CNTN5: variants seen among roughly 807,000 people sequenced by gnomAD.
The protein encoded by CNTN5 is contactin-5.
Under a neutral mutation model 129.1 loss-of-function variants are expected in CNTN5, and 77 were observed. The observed-to-expected ratio is 0.60, with a 90% CI of 0.50 to 0.72. The LOEUF is 0.72. CNTN5 is among the 30% of genes least tolerant of loss of function. The probability of loss-of-function intolerance (pLI) is 0.00; values close to 1 mark genes in which losing one functional copy is unlikely to be tolerated. For missense variants in CNTN5, 1,478 were observed against 1,328.8 expected (o/e 1.11, Z -1.75); for synonymous variants, 509 against 465.6 (o/e 1.09, Z -1.20).
At chr11:99,559,987 A>T (rs940624638) in intron 3 of CNTN5, among the ~76,000 whole-genome samples, 2 of 152,286 alleles carry the variant, frequency 1.3e-5, no homozygotes, top group Admixed American at 1.3e-4. Flanking sequence ...TCTTTATATA[A>T]CAACTGGAAA....
intron 1 of CNTN5, among the ~76,000 whole-genome samples, chr11:99,247,042 A>T (rs950015856): frequency 1.2e-4 from 18 of 152,190 alleles, no homozygotes; most frequent in Non-Finnish European, 2.2e-4. Context: ...TCAGAAAGTC[A>T]AAATGACATA....
At chr11:99,446,178 C>T (rs910269736) in intron 2 of CNTN5, among the ~76,000 whole-genome samples, 1 of 150,236 alleles carries the variant, frequency 6.7e-6, no homozygotes, top group Non-Finnish European at 1.5e-5. Flanking sequence ...ATCTTAGTTT[C>T]CCTCTGCCTC....
intron 16 of CNTN5, among the ~76,000 whole-genome samples, chr11:100,252,619 A>T (rs1331660469): frequency 6.6e-6 from 1 of 152,074 alleles, no homozygotes; most frequent in East Asian, 1.9e-4. Context: ...GTCTAGTTTC[A>T]TTCATCTGCA....
intron 3 of CNTN5, among the ~76,000 whole-genome samples, chr11:99,627,054 G>C (rs1318480826): frequency 6.6e-6 from 1 of 152,068 alleles, no homozygotes; most frequent in Non-Finnish European, 1.5e-5. Context: ...TTCAAGGCTT[G>C]GAAGGGAGAA....
rs116589702 is a variant in CNTN5 at position 99,870,303 on chromosome 11, A to G, written c.577+25041A>G. Among the ~76,000 whole-genome samples, 596 of 152,176 alleles carry G rather than the reference A, an allele frequency of 3.9e-3. 8 individuals carry two copies. The highest frequency in any genetic ancestry group is 0.013 in the African/African-American group (524 of 41,538). On this transcript the variant is annotated intron_variant, in intron 6 of 24. Coordinates refer to ENST00000524871, the MANE Select transcript of CNTN5 (RefSeq NM_014361.4). ...AGTAATTTTGTCCAAGGAAAAAACA[A>G]TGGTTTCCAAACAGCCACTGTCACT...
intron 23 of CNTN5, among the ~76,000 whole-genome samples, chr11:100,343,717 C>A (rs182044949): frequency 6.6e-6 from 1 of 152,226 alleles, no homozygotes; most frequent in Admixed American, 6.5e-5. Flanking sequence ...CCCCACACAG[C>A]AGTGAAAGAA....
At chr11:99,561,377 TAGATA>T (rs1948837599) in intron 3 of CNTN5, among the ~76,000 whole-genome samples, 1 of 152,176 alleles carries the variant, frequency 6.6e-6, no homozygotes, top group African/African-American at 2.4e-5. Flanking sequence ...CATATTGATA[TAGATA>T]AAAGATTAAA....
intron 1 of CNTN5, among the ~76,000 whole-genome samples, chr11:99,304,851 A>G (rs1864802318): frequency 6.6e-6 from 1 of 152,196 alleles, no homozygotes; most frequent in African/African-American, 2.4e-5. Flanking sequence ...TGAGAAATCA[A>G]TTTTGACTCC....
At chr11:99,464,134 C>T (rs1944843253) in intron 2 of CNTN5, among the ~76,000 whole-genome samples, 1 of 152,308 alleles carries the variant, frequency 6.6e-6, no homozygotes, top group Non-Finnish European at 1.5e-5. Context: ...TGTGGCTTAT[C>T]CAGCATAAGT....
chr11:99,677,441 A>G (rs548460487), intron 3 of CNTN5, among the ~76,000 whole-genome samples: 26 of 152,238 alleles, frequency 1.7e-4, no homozygotes, highest in African/African-American at 6.3e-4. Context: ...GAGGATGTTG[A>G]TTTCTGAACC....
At chr11:100,195,123 T>A (rs889916445) in intron 15 of CNTN5, among the ~76,000 whole-genome samples, 6 of 152,026 alleles carry the variant, frequency 3.9e-5, no homozygotes, top group African/African-American at 1.4e-4. Flanking sequence ...TTTTATAACA[T>A]GGATGTTGTA....
At chr11:100,165,634 G>T (rs768332416) in intron 13 of CNTN5, among the ~76,000 whole-genome samples, 1 of 151,668 alleles carries the variant, frequency 6.6e-6, no homozygotes, top group Non-Finnish European at 1.5e-5. Flanking sequence ...TTTAAACATA[G>T]AAGTTGAATC....
chr11:99,036,999 C>A (rs888618423), intron 1 of CNTN5, among the ~76,000 whole-genome samples: 1 of 152,012 alleles, frequency 6.6e-6, no homozygotes, highest in Non-Finnish European at 1.5e-5. Context: ...AAATAAAATG[C>A]ATATCTGTGA....
At chr11:99,352,664 C>T (rs1487984166) in intron 2 of CNTN5, among the ~76,000 whole-genome samples, 2 of 152,062 alleles carry the variant, frequency 1.3e-5, no homozygotes, top group Admixed American at 6.5e-5. Context: ...ATTCAGTTAG[C>T]TCACAGAACT....
intron 3 of CNTN5, among the ~76,000 whole-genome samples, chr11:99,672,360 A>T (rs1953082892): frequency 6.6e-6 from 1 of 151,756 alleles, no homozygotes; most frequent in Non-Finnish European, 1.5e-5. Context: ...GATCTAGATG[A>T]TTGTCTTGCA....
intron 1 of CNTN5, among the ~76,000 whole-genome samples, chr11:99,024,055 T>C (rs982895963): frequency 6.6e-6 from 1 of 152,180 alleles, no homozygotes; most frequent in African/African-American, 2.4e-5. Context: ...GTAGAATCAC[T>C]GCAGAGGTCT....
chr11:99,804,311 A>G (rs1271210893), intron 3 of CNTN5, among the ~76,000 whole-genome samples: 1 of 152,136 alleles, frequency 6.6e-6, no homozygotes, highest in Non-Finnish European at 1.5e-5. Flanking sequence ...CTAGATTACT[A>G]CTTACAGAGA....
chr11:100,203,799 TACACACACACACACACAC>T (rs59141425), intron 15 of CNTN5, among the ~76,000 whole-genome samples: 2 of 139,100 alleles, frequency 1.4e-5, no homozygotes, highest in East Asian at 2.3e-4. Flanking sequence ...AATGTGCACG[TACACACACACACACACAC>T]ACACACACAC....
Position 99,176,254 on chromosome 11 carries a change from G to A in CNTN5, c.-209-149092G>A, listed in dbSNP as rs553595095. Reference sequence around the variant, plus strand: ...CCTTTAGATGGCTCTGTCCCAGACCGAGAGGTTAAGAGACATTGAAGACTT... The same window carrying A: ...CCTTTAGATGGCTCTGTCCCAGACCAAGAGGTTAAGAGACATTGAAGACTT... On this transcript the variant is annotated intron_variant, in intron 1 of 24. Transcript: ENST00000524871. 5.3e-5 allele frequency among the ~76,000 whole-genome samples: 8 copies of A among 151,700 alleles called. No homozygotes were observed. In the South Asian group the frequency reaches 1.3e-3, roughly 24 times the overall value.
Sources: gnomAD v4.1 joint callset for allele counts (sites outside exome capture counted in the v4.1 genomes callset) on GRCh38, gnomAD v4.1.1 for gene constraint, MANE v1.5 for transcripts, NCBI Gene and HGNC (gene_info 2026-07-23, HGNC 2026-07-21) for gene names.